Variants in DHRSX observed in about 807,000 individuals in gnomAD.
DHRSX encodes the protein polyprenol dehydrogenase.
In DHRSX, 31 loss-of-function variants were observed where a neutral mutation model predicts 34.0. That is an observed-to-expected ratio of 0.91 (90% CI 0.69 to 1.23). DHRSX has a LOEUF of 1.23. DHRSX is among the 50% of genes most tolerant of loss of function. The pLI, the probability that DHRSX is intolerant of heterozygous loss-of-function variation, is 0.00. For synonymous variants in DHRSX, 201 were observed against 183.8 expected, an observed-to-expected ratio of 1.09 and a Z score of -0.76; for missense variants, 414 against 428.1, an observed-to-expected ratio of 0.97 and a Z score of 0.29.
intron 3 of DHRSX, among the ~76,000 whole-genome samples, chrX:2,317,830 T>C (rs948762679): frequency 5.3e-5 from 8 of 152,144 alleles, no homozygotes; most frequent in African/African-American, 1.9e-4. Flanking sequence ...CAAACATGCA[T>C]TTGTCTCAGG....
At chrX:2,460,380 T>C (rs1186801153) in intron 1 of DHRSX, among the ~76,000 whole-genome samples, 3 of 152,100 alleles carry the variant, frequency 2.0e-5, no homozygotes, top group Admixed American at 2.0e-4. Flanking sequence ...TGGAACGTTC[T>C]GGGGGACACT....
rs186978977 is a variant in DHRSX at position 2,455,170 on chromosome X, T to C, written c.110-29866A>G. Among the ~76,000 whole-genome samples the C allele has an allele frequency of 2.3e-3, 351 of 150,786 alleles. 2 individuals are homozygous for C. The highest frequency in any genetic ancestry group is 7.9e-3 in the African/African-American group (324 of 41,026). ...GGAACCTGCATGGAGGTGGAGGCCA[T>C]TATCCTTAGCAAACTTACACAGCAA... On this transcript the variant is annotated intron_variant, in intron 1 of 6. Coordinates refer to ENST00000334651, the MANE Select transcript of DHRSX (RefSeq NM_145177.3).
At chrX:2,357,833 G>C (rs1383952410) in intron 3 of DHRSX, among the ~76,000 whole-genome samples, 1 of 152,120 alleles carries the variant, frequency 6.6e-6, no homozygotes, top group Non-Finnish European at 1.5e-5. Context: ...GGCACTGTGT[G>C]TCAGATCAAG....
chrX:2,499,500 T>C (rs552687908), intron 1 of DHRSX, among the ~76,000 whole-genome samples: 21 of 152,352 alleles, frequency 1.4e-4, no homozygotes, highest in African/African-American at 4.8e-4. Flanking sequence ...CTGGGCACAG[T>C]GGCGCTCTGT....
At chrX:2,361,121 T>G (rs1227660721) in intron 3 of DHRSX, among the ~76,000 whole-genome samples, 1 of 152,060 alleles carries the variant, frequency 6.6e-6, no homozygotes, top group Non-Finnish European at 1.5e-5. Context: ...TCATAAAAGT[T>G]TGTTTGTGAG....
At chrX:2,439,781 T>C (rs1410344224) in intron 1 of DHRSX, among the ~76,000 whole-genome samples, 1 of 152,078 alleles carries the variant, frequency 6.6e-6, no homozygotes, top group Non-Finnish European at 1.5e-5. Context: ...TATGAGACTC[T>C]AATGCCACCA....
chrX:2,270,773 G>C (rs775662570), intron 4 of DHRSX, among the ~76,000 whole-genome samples: 6 of 152,166 alleles, frequency 3.9e-5, no homozygotes, highest in African/African-American at 1.4e-4. Context: ...GTGGAGACCC[G>C]GAGACCTTTT....
At chrX:2,379,205 G>A (rs1185341571) in intron 3 of DHRSX, among the ~76,000 whole-genome samples, 1 of 152,122 alleles carries the variant, frequency 6.6e-6, no homozygotes, top group Non-Finnish European at 1.5e-5. Flanking sequence ...GTAAATGAAT[G>A]TGTGGCAAGC....
At chrX:2,488,724 C>T in intron 1 of DHRSX, 1 of 1,613,966 alleles carries the variant, frequency 6.2e-7, no homozygotes. Flanking sequence ...AGGCCCCACT[C>T]CCCCTCGTCC....
At chrX:2,259,027 C>A (rs1397063504) in intron 5 of DHRSX, among the ~76,000 whole-genome samples, 3 of 152,184 alleles carry the variant, frequency 2.0e-5, no homozygotes, top group Non-Finnish European at 4.4e-5. Flanking sequence ...GTAATCCCAG[C>A]ACTTTGGGAG....
At chrX:2,257,179 C>T (rs1346794875) in intron 5 of DHRSX, among the ~76,000 whole-genome samples, 2 of 152,240 alleles carry the variant, frequency 1.3e-5, no homozygotes, top group African/African-American at 2.4e-5. Context: ...TGGTCTTGAA[C>T]TCCTGACCTT....
intron 3 of DHRSX, among the ~76,000 whole-genome samples, chrX:2,355,504 C>A (rs1373139771): frequency 2.1e-5 from 2 of 94,508 alleles, no homozygotes; most frequent in Non-Finnish European, 3.8e-5. Flanking sequence ...AAGAGCGAGA[C>A]CCCATCTAAA....
chrX:2,335,787 C>T (rs888614671), intron 3 of DHRSX, among the ~76,000 whole-genome samples: 3 of 151,870 alleles, frequency 2.0e-5, no homozygotes, highest in African/African-American at 7.3e-5. Flanking sequence ...GGCAAGTTTG[C>T]TCTGAGAAGT....
At chrX:2,299,022 A>T (rs2041980507) in intron 3 of DHRSX, among the ~76,000 whole-genome samples, 1 of 150,526 alleles carries the variant, frequency 6.6e-6, no homozygotes, top group African/African-American at 2.4e-5. Context: ...AAATGGGAAA[A>T]ATGTGGAAGG....
chrX:2,413,702 C>T (rs1283588578), intron 2 of DHRSX, among the ~76,000 whole-genome samples: 1 of 152,168 alleles, frequency 6.6e-6, no homozygotes, highest in African/African-American at 2.4e-5. Context: ...ATAACCTAAC[C>T]AACTAGACTT....
intron 1 of DHRSX, among the ~76,000 whole-genome samples, chrX:2,438,306 T>TACACACACACACACACAC (rs113154779): frequency 6.7e-6 from 1 of 149,546 alleles, no homozygotes; most frequent in African/African-American, 2.5e-5. Flanking sequence ...ACAGAATGCA[T>TACACACACACACACACAC]ACACACACAC....
intron 3 of DHRSX, among the ~76,000 whole-genome samples, chrX:2,315,869 CTCTTTTCTTT>C (rs2042236032): frequency 6.6e-6 from 1 of 152,048 alleles, no homozygotes; most frequent in African/African-American, 2.4e-5. Flanking sequence ...CACATTTTCT[CTCTTTTCTTT>C]GAGACAGAGT....
At position 2,254,946 on chromosome X, in the gene DHRSX, GC is replaced by G. The variant is rs1019729155; in HGVS notation, c.597-11717del. Reference sequence around the variant, plus strand: ...GTGTGAGCCACTGTGCCTGCCCCACGCCCCCCCCCTTTTTTTTCTTTTTTTT... The same window carrying G: ...GTGTGAGCCACTGTGCCTGCCCCACGCCCCCCCCTTTTTTTTCTTTTTTTT... On this transcript the variant is annotated intron_variant, in intron 5 of 6. Coordinates refer to ENST00000334651, the MANE Select transcript of DHRSX (RefSeq NM_145177.3). Among the ~76,000 whole-genome samples, 28 of 104,696 alleles carry G rather than the reference GC, an allele frequency of 2.7e-4. 1 individual carries two copies. Among genetic ancestry groups the G allele is most frequent in the South Asian group, 8.0e-4 (3 of 3,744 alleles). 68.7% of individuals were successfully genotyped at this position (104,696 alleles called of 152,430 possible).
chrX:2,407,015 T>G (rs1032376711), intron 3 of DHRSX, among the ~76,000 whole-genome samples: 18 of 152,102 alleles, frequency 1.2e-4, no homozygotes, highest in Non-Finnish European at 2.1e-4. Context: ...GGAAACAACC[T>G]AGGTGTCCAA....
Sources: allele counts gnomAD v4.1 joint callset (sites outside exome capture counted in the v4.1 genomes callset), GRCh38; gene constraint gnomAD v4.1.1; transcripts MANE v1.5; gene names NCBI Gene and HGNC (gene_info 2026-07-23, HGNC 2026-07-21).